The following VPS13B variants were observed in gnomAD, a reference collection of about 807,000 sequenced individuals.
VPS13B encodes the protein vacuolar protein sorting 13 homolog B.
Under a neutral mutation model 426.4 loss-of-function variants are expected in VPS13B, and 285 were observed. The ratio of observed to expected loss-of-function variants is 0.67; its 90% CI spans 0.61 to 0.74. VPS13B has a LOEUF of 0.74. Among genes scored for constraint, VPS13B ranks in the 30% least tolerant of loss-of-function variants. The pLI, the probability that VPS13B is intolerant of heterozygous loss-of-function variation, is 0.00. For missense variants in VPS13B, 4,537 were observed against 4,782.6 expected, an observed-to-expected ratio of 0.95 and a Z score of 1.51; for synonymous variants, 1,676 against 1,676.4, an observed-to-expected ratio of 1.00 and a Z score of 0.01.
chr8:99,533,120 G>A (rs1350440557), intron 30 of VPS13B, among the ~76,000 whole-genome samples: 1 of 151,862 alleles, frequency 6.6e-6, no homozygotes, highest in Non-Finnish European at 1.5e-5. Context: ...TGTATTTTTA[G>A]TAGAGATGGG....
chr8:99,021,878 G>GT (rs1275508489), intron 2 of VPS13B, among the ~76,000 whole-genome samples: 2 of 152,116 alleles, frequency 1.3e-5, no homozygotes, highest in Non-Finnish European at 2.9e-5. Flanking sequence ...CTCCCAAAGT[G>GT]TTGGGATTAC....
At chr8:99,477,705 G>A (rs1003280841) in intron 24 of VPS13B, among the ~76,000 whole-genome samples, 3 of 152,130 alleles carry the variant, frequency 2.0e-5, no homozygotes, top group African/African-American at 7.2e-5. Context: ...AATAGAGAAG[G>A]CTATGTATGT....
intron 17 of VPS13B, among the ~76,000 whole-genome samples, chr8:99,231,273 T>A (rs1286139716): frequency 6.6e-6 from 1 of 152,194 alleles, no homozygotes. Flanking sequence ...GTACTTTTTT[T>A]TTTTTCTTGT....
intron 25 of VPS13B, among the ~76,000 whole-genome samples, chr8:99,486,795 GT>G (rs1440935462): frequency 5.9e-5 from 9 of 152,076 alleles, no homozygotes; most frequent in African/African-American, 2.2e-4. Context: ...GTTTCCACTT[GT>G]TACCCTGACT....
chr8:99,642,024 T>G lies in VPS13B; in HGVS notation c.5434T>G (p.Phe1812Val). 6.2e-7 allele frequency: 1 copy of G among 1,614,096 alleles called. No individual in the cohort carries two copies. Among genetic ancestry groups the G allele is most frequent in the Non-Finnish European group, 8.5e-7 (1 of 1,180,004 alleles). Residue 1812 changes from phenylalanine (F) to valine (V), a missense_variant, in exon 34 of 62, where the codon TTT (phenylalanine) becomes GTT (valine). Phe to Val is a conservative substitution (Grantham distance 50, BLOSUM62 -1). This residue lies in a region of VPS13B where 4,311 missense variants were observed against 4,474.3 expected (regional missense o/e 0.96). Transcript: ENST00000357162. ...SIVKNLNFIP[F>V]DIFITASRIS... is the part of the protein sequence containing the mutation. ...TGTAAAAAATCTAAATTTTATTCCCTTTGACATATTTATTACTGCAAGTAG... is the reference window on the plus strand; with the variant it reads ...TGTAAAAAATCTAAATTTTATTCCCGTTGACATATTTATTACTGCAAGTAG...
At chr8:99,185,894 A>G (rs951962409) in intron 16 of VPS13B, among the ~76,000 whole-genome samples, 12 of 152,138 alleles carry the variant, frequency 7.9e-5, no homozygotes, top group African/African-American at 2.7e-4. Context: ...TGGTACAAGC[A>G]AAGTCTTTCA....
At chr8:99,666,599 A>T (rs1285131373) in intron 35 of VPS13B, among the ~76,000 whole-genome samples, 2 of 152,186 alleles carry the variant, frequency 1.3e-5, no homozygotes, top group Non-Finnish European at 2.9e-5. Context: ...CCTTTGACAA[A>T]ATTCAACAAC....
At chr8:99,026,216 GA>G (rs1031832001) in intron 2 of VPS13B, among the ~76,000 whole-genome samples, 1 of 152,280 alleles carries the variant, frequency 6.6e-6, no homozygotes, top group South Asian at 2.1e-4. Context: ...TTTGTTTCAA[GA>G]AATTTTAAAA....
intron 21 of VPS13B, among the ~76,000 whole-genome samples, chr8:99,407,030 A>G (rs1322476772): frequency 6.6e-6 from 1 of 152,216 alleles, no homozygotes; most frequent in Non-Finnish European, 1.5e-5. Context: ...AGACCAACTT[A>G]TACAGGGCTT....
At chr8:99,448,838 C>A (rs979561230) in intron 23 of VPS13B, among the ~76,000 whole-genome samples, 1 of 152,082 alleles carries the variant, frequency 6.6e-6, no homozygotes, top group East Asian at 1.9e-4. Context: ...TTTTCCATTT[C>A]ATTGTCATTT....
chr8:99,668,668 C>T (rs78222801), intron 35 of VPS13B, among the ~76,000 whole-genome samples: 1,530 of 152,168 alleles, frequency 0.01, 17 homozygotes, highest in Admixed American at 0.017. Context: ...TCTCCCAACC[C>T]CCCACCTTTT....
chr8:99,385,827 G>C (rs1347936226), intron 20 of VPS13B, among the ~76,000 whole-genome samples: 1 of 152,178 alleles, frequency 6.6e-6, no homozygotes, highest in Non-Finnish European at 1.5e-5. Flanking sequence ...AGACTGAACT[G>C]TTTGAGCAAA....
intron 39 of VPS13B, among the ~76,000 whole-genome samples, chr8:99,726,217 T>C (rs1189541084): frequency 6.6e-6 from 1 of 152,226 alleles, no homozygotes; most frequent in Non-Finnish European, 1.5e-5. Flanking sequence ...GTTCCTAGAA[T>C]GCAAAAGCTT....
chr8:99,275,249 A>G lies in VPS13B; in HGVS notation c.2819A>G (p.Asn940Ser), dbSNP rs1039290126. The change falls in exon 19 of 62, where the codon AAT becomes AGT. Residue 940 changes from asparagine to serine, a missense_variant. Transcript: ENST00000357162. Reference sequence around the variant, plus strand: ...CCACAATATATTGACTACTGCCACAATTCCGGTAAGTACAAACCTATCATT... The same window carrying G: ...CCACAATATATTGACTACTGCCACAGTTCCGGTAAGTACAAACCTATCATT... ...QVPQYIDYCH[N>S]SGAVLLCSIQ... The G allele has an allele frequency of 9.9e-6, 16 of 1,609,444 alleles. No homozygotes were observed. Among genetic ancestry groups the G allele is most frequent in the Non-Finnish European group, 1.2e-5 (14 of 1,178,160 alleles).
chr8:99,121,089 G>A (rs1847908508), intron 7 of VPS13B, 88 bp from the exon 8 acceptor site: 2 of 1,290,398 alleles, frequency 1.5e-6, no homozygotes, highest in Non-Finnish European at 2.1e-6. Flanking sequence ...AGAAGGATAT[G>A]GGAGGAAAAA....
intron 19 of VPS13B, among the ~76,000 whole-genome samples, chr8:99,363,825 G>T (rs984704140): frequency 6.6e-6 from 1 of 152,136 alleles, no homozygotes; most frequent in African/African-American, 2.4e-5. Context: ...TTTGTATCCT[G>T]CAGCTTTACT....
chr8:99,870,832 C>T lies in VPS13B; in HGVS notation c.11440C>T (p.Gln3814Ter). 2 of 1,614,216 alleles carry T rather than the reference C, an allele frequency of 1.2e-6. No individual in the cohort carries two copies. The highest frequency in any genetic ancestry group is 1.1e-5 in the South Asian group (1 of 91,086). ...GLSQLPKQRHQPSDLHADQAP... is the reference protein window; with the variant it reads ...GLSQLPKQRH ...TTCTCAGCTTCCCAAACAGCGCCAT[C>T]AGCCAAGTGATCTACATGCTGACCA... The change falls in exon 60 of 62, where the codon CAG becomes TAG. Residue 3814 changes from glutamine (Q) to a stop codon, truncating the protein, a stop_gained. Coordinates refer to ENST00000357162, the MANE Select transcript of VPS13B (RefSeq NM_152564.5). LOFTEE classifies it high-confidence loss of function.
intron 44 of VPS13B, among the ~76,000 whole-genome samples, chr8:99,813,418 A>T (rs900976240): frequency 5.3e-5 from 8 of 152,200 alleles, no homozygotes; most frequent in African/African-American, 1.9e-4. Context: ...ATGTGCATAT[A>T]TTGCCAGGCT....
intron 35 of VPS13B, among the ~76,000 whole-genome samples, chr8:99,684,830 G>C (rs1237830383): frequency 1.3e-5 from 2 of 152,198 alleles, no homozygotes; most frequent in African/African-American, 4.8e-5. Flanking sequence ...TTGAGACAGA[G>C]TCTTGCTCTG....
Sources: gnomAD v4.1 joint callset for allele counts (sites outside exome capture counted in the v4.1 genomes callset) on GRCh38, gnomAD v4.1.1 for gene constraint, gnomAD v4.1.1 regional missense constraint, MANE v1.5 for transcripts, NCBI Gene and HGNC (gene_info 2026-07-23, HGNC 2026-07-21) for gene names.